CDH10: variants seen among roughly 807,000 people sequenced by gnomAD.
The protein encoded by CDH10 is cadherin-10.
CDH10 carries 30 observed loss-of-function variants against 73.1 expected under a neutral mutation model. The ratio of observed to expected loss-of-function variants is 0.41; its 90% confidence interval spans 0.31 to 0.56. The LOEUF (loss-of-function observed/expected upper bound fraction) is 0.56, where lower values mean the gene tolerates loss of function less well. Ranked by LOEUF, CDH10 falls within the 20% of genes least tolerant of loss-of-function variation. CDH10 has a pLI of 0.27. For missense variants in CDH10, 815 were observed against 973.7 expected (o/e 0.84, Z 2.17); for synonymous variants, 345 against 348.2 (o/e 0.99, Z 0.10).
At chr5:24,641,250 G>A (rs1748041059) in intron 1 of CDH10, among the ~76,000 whole-genome samples, 1 of 151,940 alleles carries the variant, frequency 6.6e-6, no homozygotes, top group African/African-American at 2.4e-5. Context: ...AGTCAGAAAA[G>A]AAGAGGGCAC....
At chr5:24,586,835 C>G (rs1746022200) in intron 2 of CDH10, among the ~76,000 whole-genome samples, 1 of 132,464 alleles carries the variant, frequency 7.5e-6, no homozygotes, top group Non-Finnish European at 1.6e-5. Context: ...AATAAGATAG[C>G]CCATATTCTT....
intron 11 of CDH10, among the ~76,000 whole-genome samples, chr5:24,490,976 G>A (rs1561118405): frequency 6.6e-6 from 1 of 152,108 alleles, no homozygotes; most frequent in Non-Finnish European, 1.5e-5. Flanking sequence ...TGGGGTTTGA[G>A]ACCCTACTAT....
intron 2 of CDH10, among the ~76,000 whole-genome samples, chr5:24,544,070 C>A (rs989994491): frequency 6.6e-6 from 1 of 152,074 alleles, no homozygotes; most frequent in Non-Finnish European, 1.5e-5. Context: ...CCGAGGAAGG[C>A]GGATCATGAG....
At chr5:24,593,025 T>TA (rs1353632390) in intron 2 of CDH10, among the ~76,000 whole-genome samples, 1 of 151,852 alleles carries the variant, frequency 6.6e-6, no homozygotes, top group Non-Finnish European at 1.5e-5. Context: ...AGTACCTCTT[T>TA]AATCCATAAG....
chr5:24,586,420 T>C (rs891087179), intron 2 of CDH10, among the ~76,000 whole-genome samples: 1 of 147,492 alleles, frequency 6.8e-6, no homozygotes, highest in Non-Finnish European at 1.5e-5. Context: ...AAAATTTACA[T>C]GCTTTATTAA....
intron 2 of CDH10, among the ~76,000 whole-genome samples, chr5:24,586,636 G>T (rs1238869080): frequency 6.6e-6 from 1 of 150,942 alleles, no homozygotes; most frequent in East Asian, 2.0e-4. Flanking sequence ...GTAGAAACAA[G>T]ATTTCGCCAT....
intron 2 of CDH10, among the ~76,000 whole-genome samples, chr5:24,589,026 T>C (rs2112081178): frequency 1.3e-5 from 2 of 152,268 alleles, no homozygotes; most frequent in Middle Eastern, 3.4e-3. Context: ...CTGTGCTATA[T>C]CTGAAACAAA....
At chr5:24,577,312 G>A (rs544489474) in intron 2 of CDH10, among the ~76,000 whole-genome samples, 3 of 152,244 alleles carry the variant, frequency 2.0e-5, no homozygotes, top group East Asian at 3.9e-4. Context: ...AAGAGGGGAA[G>A]TGAGTTGTGG....
intron 2 of CDH10, among the ~76,000 whole-genome samples, chr5:24,549,948 TA>T (rs1744484743): frequency 6.6e-6 from 1 of 152,170 alleles, no homozygotes; most frequent in African/African-American, 2.4e-5. Context: ...GAAATAAGTA[TA>T]TTTTTGGACA....
rs1011823203 is a variant in CDH10, at chr5:24,511,382, A to G, written c.947T>C (p.Met316Thr). The change falls in exon 6 of 12, where the codon ATG becomes ACG. Residue 316 changes from methionine to threonine, a missense_variant. By Grantham distance (81) the Met-to-Thr change is moderately conservative (BLOSUM62 -1). Coordinates refer to ENST00000264463, the MANE Select transcript of CDH10 (RefSeq NM_006727.5). ...YRIIDGDGTD[M>T]FDIVTEKDTQ... ...GTCCTTCTCAGTCACGATGTCAAAC[A>G]TATCAGTACCGTCACCATCAATAAT... 3.1e-6 allele frequency: 5 copies of G among 1,612,732 alleles called. No individual in the cohort carries two copies. The South Asian group carries it at 4.4e-5, about 14-fold the overall frequency.
intron 2 of CDH10, among the ~76,000 whole-genome samples, chr5:24,559,974 T>C (rs16893513): frequency 0.011 from 1,653 of 152,240 alleles, 26 homozygotes; most frequent in African/African-American, 0.037. Flanking sequence ...TTTGCTTTCA[T>C]ATCACTGCTC....
At chr5:24,492,182 G>C (rs181106009) in intron 10 of CDH10, among the ~76,000 whole-genome samples, 1 of 152,174 alleles carries the variant, frequency 6.6e-6, no homozygotes, top group Non-Finnish European at 1.5e-5. Flanking sequence ...TACTAAATGT[G>C]TGTTTTTTAA....
In CDH10 at chr5:24,502,699, G is replaced by A. The variant is rs1437807358; in HGVS notation, c.1393+2413C>T. Among the ~76,000 whole-genome samples, 3 of 152,120 alleles carry A rather than the reference G, an allele frequency of 2.0e-5. 1 individual carries two copies. In the East Asian group the frequency reaches 5.8e-4, roughly 29 times the overall value. ...GTAATTACTTCAACTAGCTTTAGAA[G>A]TTAAATCTCACAAAATATCTGTAAG... On this transcript the variant is annotated intron_variant, in intron 8 of 11. Coordinates refer to ENST00000264463, the MANE Select transcript of CDH10 (RefSeq NM_006727.5).
chr5:24,578,575 T>A (rs1373597698), intron 2 of CDH10: 2 of 213,900 alleles, frequency 9.4e-6, no homozygotes, highest in Admixed American at 9.7e-5. Context: ...CATTACTGTT[T>A]TGTTTGTCAA....
At chr5:24,491,901 C>T (rs2111643162) in intron 10 of CDH10, 74 bp from the exon 11 acceptor site, 1 of 840,140 alleles carries the variant, frequency 1.2e-6, no homozygotes, top group Non-Finnish European at 1.8e-6. Context: ...CAAGGTTTAA[C>T]ATATAAATAA....
intron 2 of CDH10, among the ~76,000 whole-genome samples, chr5:24,555,628 C>G (rs72749783): frequency 0.014 from 2,132 of 152,140 alleles, 28 homozygotes; most frequent in Non-Finnish European, 0.024. Flanking sequence ...GTCAAGAGAA[C>G]CTGTAGCTTA....
chr5:24,518,319 T>A (rs180789080), intron 5 of CDH10, among the ~76,000 whole-genome samples: 1 of 152,196 alleles, frequency 6.6e-6, no homozygotes, highest in African/African-American at 2.4e-5. Flanking sequence ...ATGGCATTAG[T>A]TACCCTAAAA....
intron 2 of CDH10, among the ~76,000 whole-genome samples, chr5:24,580,973 T>C (rs1156560374): frequency 6.6e-6 from 1 of 152,208 alleles, no homozygotes; most frequent in Non-Finnish European, 1.5e-5. Flanking sequence ...ATGAGTTATG[T>C]TGGGATCATT....
chr5:24,633,316 A>G (rs1009607084), intron 1 of CDH10, among the ~76,000 whole-genome samples: 4 of 151,886 alleles, frequency 2.6e-5, no homozygotes, highest in African/African-American at 4.8e-5. Flanking sequence ...TAAAAAACCC[A>G]GTCAAAGAGG....
Sources: gnomAD v4.1 joint callset for allele counts (sites outside exome capture counted in the v4.1 genomes callset) on GRCh38, gnomAD v4.1.1 for gene constraint, MANE v1.5 for transcripts, NCBI Gene and HGNC (gene_info 2026-07-23, HGNC 2026-07-21) for gene names.